GABRB1: variants seen among roughly 807,000 people sequenced by gnomAD.
GABRB1 encodes gamma-aminobutyric acid type A receptor subunit beta1, also known as gamma-aminobutyric acid receptor subunit beta-1.
In GABRB1, 17 loss-of-function variants were observed where a neutral mutation model predicts 51.6. That is an observed-to-expected ratio of 0.33 (90% CI 0.23 to 0.49). The LOEUF is 0.49. Among genes scored for constraint, GABRB1 ranks in the 20% least tolerant of loss-of-function variants. The pLI, the probability that GABRB1 is intolerant of heterozygous loss-of-function variation, is 0.99. For missense variants in GABRB1, 410 were observed against 600.6 expected, an observed-to-expected ratio of 0.68 and a Z score of 3.32; for synonymous variants, 247 against 218.9, an observed-to-expected ratio of 1.13 and a Z score of -1.14.
chr4:47,214,110 A>T (rs1263873352), intron 4 of GABRB1, among the ~76,000 whole-genome samples: 2 of 152,174 alleles, frequency 1.3e-5, no homozygotes, highest in Non-Finnish European at 2.9e-5. Context: ...AGTAGAATGC[A>T]TTAGTCATAA....
At chr4:47,191,001 T>C (rs527353500) in intron 4 of GABRB1, among the ~76,000 whole-genome samples, 4 of 152,326 alleles carry the variant, frequency 2.6e-5, no homozygotes, top group African/African-American at 9.6e-5. Flanking sequence ...ATTGTCAAAT[T>C]TTTAAAAATC....
chr4:47,155,866 A>T (rs1717668802), intron 3 of GABRB1, among the ~76,000 whole-genome samples: 1 of 142,092 alleles, frequency 7.0e-6, no homozygotes, highest in East Asian at 2.1e-4. Context: ...CATGATAAAC[A>T]ATGGTAAAAC....
intron 4 of GABRB1, among the ~76,000 whole-genome samples, chr4:47,295,596 T>A (rs538569050): frequency 4.3e-4 from 66 of 152,138 alleles, no homozygotes; most frequent in African/African-American, 1.5e-3. Context: ...CTCCAAGAAA[T>A]ATGGGACTAT....
chr4:47,014,631 G>T (rs1009310424), intron 1 of GABRB1, among the ~76,000 whole-genome samples: 2 of 152,098 alleles, frequency 1.3e-5, no homozygotes, highest in East Asian at 1.9e-4. Context: ...CCTCGAAATA[G>T]CATCAGATCC....
At chr4:47,053,269 T>A (rs113560794) in intron 3 of GABRB1, among the ~76,000 whole-genome samples, 2 of 152,178 alleles carry the variant, frequency 1.3e-5, no homozygotes, top group Admixed American at 6.5e-5. Context: ...TCTGTGGCTA[T>A]AAACAACAAA....
intron 3 of GABRB1, among the ~76,000 whole-genome samples, chr4:47,156,715 T>C (rs1717720271): frequency 6.6e-6 from 1 of 151,944 alleles, no homozygotes; most frequent in Non-Finnish European, 1.5e-5. Context: ...ACACTTGTAA[T>C]CTCAGCACTT....
intron 4 of GABRB1, among the ~76,000 whole-genome samples, chr4:47,303,400 A>C (rs1265087219): frequency 6.8e-6 from 1 of 147,098 alleles, no homozygotes. Flanking sequence ...ATATATATAT[A>C]TCATTCTAAT....
chr4:47,378,576 C>G (rs911156674), intron 5 of GABRB1, among the ~76,000 whole-genome samples: 3 of 152,338 alleles, frequency 2.0e-5, no homozygotes, highest in Admixed American at 6.5e-5. Flanking sequence ...GCGCCGAGAG[C>G]CAGCGAGGGC....
At chr4:47,232,875 CA>C (rs1178234307) in intron 4 of GABRB1, among the ~76,000 whole-genome samples, 33 of 141,616 alleles carry the variant, frequency 2.3e-4, no homozygotes, top group East Asian at 1.0e-3. Flanking sequence ...TTATGATCAT[CA>C]TTTTTTTTTT....
rs563882113 is a variant in GABRB1, at chr4:47,076,683, C to T, written c.240+44199C>T. ...AAAACAAAACAAAACAAAAAAACAG[C>T]AACCTGATAGGCCTAACTCTGTGGT... On this transcript the variant is annotated intron_variant, in intron 3 of 8. Transcript: ENST00000295454. Among the ~76,000 whole-genome samples the T allele has an allele frequency of 7.2e-5, 11 of 152,086 alleles. No homozygotes were observed. In the East Asian group the frequency reaches 2.1e-3, roughly 29 times the overall value.
At chr4:47,245,914 T>G (rs1371259623) in intron 4 of GABRB1, among the ~76,000 whole-genome samples, 1 of 151,618 alleles carries the variant, frequency 6.6e-6, no homozygotes, top group Admixed American at 6.6e-5. Flanking sequence ...TGTCTTTTTT[T>G]CTTTTTTCTT....
At chr4:47,131,538 G>T (rs1716417608) in intron 3 of GABRB1, among the ~76,000 whole-genome samples, 1 of 152,072 alleles carries the variant, frequency 6.6e-6, no homozygotes, top group African/African-American at 2.4e-5. Flanking sequence ...TGTTTTTGCT[G>T]TTTAAAATAA....
chr4:47,400,960 G>A (rs1326115493), intron 5 of GABRB1, among the ~76,000 whole-genome samples: 11 of 119,970 alleles, frequency 9.2e-5, no homozygotes, highest in Non-Finnish European at 1.4e-4. Context: ...ACGGAGTCTC[G>A]CTGTGTCACC....
At chr4:46,997,457 C>T (rs758841020) in intron 1 of GABRB1, among the ~76,000 whole-genome samples, 4 of 150,646 alleles carry the variant, frequency 2.7e-5, no homozygotes, top group Non-Finnish European at 4.4e-5. Flanking sequence ...CTTTCTTATA[C>T]ATAACTATAA....
At chr4:47,343,284 A>G (rs1725970910) in intron 5 of GABRB1, among the ~76,000 whole-genome samples, 1 of 152,138 alleles carries the variant, frequency 6.6e-6, no homozygotes, top group Non-Finnish European at 1.5e-5. Context: ...TTAAACGAGG[A>G]TAAAATCACA....
At chr4:47,310,479 G>T (rs1445891541) in intron 4 of GABRB1, among the ~76,000 whole-genome samples, 2 of 152,098 alleles carry the variant, frequency 1.3e-5, no homozygotes, top group Non-Finnish European at 2.9e-5. Context: ...CTAAAAATAT[G>T]GTAAGGTAAA....
intron 5 of GABRB1, among the ~76,000 whole-genome samples, chr4:47,388,197 T>C (rs1727868294): frequency 1.3e-5 from 2 of 152,226 alleles, no homozygotes; most frequent in East Asian, 1.9e-4. Context: ...TATAGTGATA[T>C]GTAAATTATG....
intron 4 of GABRB1, among the ~76,000 whole-genome samples, chr4:47,168,171 A>C (rs529983310): frequency 4.6e-5 from 7 of 152,316 alleles, no homozygotes; most frequent in Non-Finnish European, 7.4e-5. Context: ...AAAATATATT[A>C]TATAACAGAC....
chr4:47,052,968 G>T (rs1253556346), intron 3 of GABRB1, among the ~76,000 whole-genome samples: 1 of 152,194 alleles, frequency 6.6e-6, no homozygotes, highest in Non-Finnish European at 1.5e-5. Context: ...GTAGAATGAG[G>T]CGCTGTTGCA....
Sources: gnomAD v4.1 joint callset for allele counts (sites outside exome capture counted in the v4.1 genomes callset) on GRCh38, gnomAD v4.1.1 for gene constraint, MANE v1.5 for transcripts, NCBI Gene and HGNC (gene_info 2026-07-23, HGNC 2026-07-21) for gene names.